Variants in DACH2 observed in about 807,000 individuals in gnomAD.
The protein encoded by DACH2 is dachshund homolog 2.
DACH2 carries 17 observed loss-of-function variants against 35.8 expected under a neutral mutation model. The observed-to-expected ratio is 0.48, with a 90% CI of 0.33 to 0.71. The LOEUF is 0.71. Among genes scored for constraint, DACH2 ranks in the 30% least tolerant of loss-of-function variants. The pLI is 0.02. For synonymous variants in DACH2, 195 were observed against 177.3 expected, an observed-to-expected ratio of 1.10 and a Z score of -0.79; for missense variants, 469 against 472.7, an observed-to-expected ratio of 0.99 and a Z score of 0.07.
At chrX:86,656,857 G>GTGTATATATATATATATATA (rs1333268452) in intron 4 of DACH2, among the ~76,000 whole-genome samples, 5 of 66,743 alleles carry the variant, frequency 7.5e-5, no homozygotes, top group African/African-American at 3.6e-4. Context: ...GTGTGTGTGT[G>GTGTATATATATATATATATA]TATATATATA....
At chrX:86,602,631 T>C (rs1157039588) in intron 3 of DACH2, among the ~76,000 whole-genome samples, 2 of 112,171 alleles carry the variant, frequency 1.8e-5, no homozygotes, top group East Asian at 5.6e-4. Flanking sequence ...ATATGTGCTT[T>C]TGTGCGTTCC....
intron 3 of DACH2, among the ~76,000 whole-genome samples, chrX:86,646,693 T>C (rs1341159521): frequency 9.1e-6 from 1 of 109,959 alleles, no homozygotes; most frequent in Admixed American, 9.8e-5. Context: ...ATCATATATA[T>C]AACAAAGGGT....
intron 10 of DACH2, among the ~76,000 whole-genome samples, chrX:86,815,175 G>A (rs1349808384): frequency 9.0e-6 from 1 of 111,643 alleles, no homozygotes; most frequent in African/African-American, 3.3e-5. Context: ...ATATGCTGAT[G>A]TTTGGTGAAC....
intron 3 of DACH2, among the ~76,000 whole-genome samples, chrX:86,603,575 C>A (rs893439800): frequency 9.0e-6 from 1 of 111,120 alleles, no homozygotes; most frequent in Non-Finnish European, 1.9e-5. Flanking sequence ...TAGCTATGAA[C>A]CCAGACAACA....
Position 86,228,196 on chromosome X carries a change from T to C in DACH2, c.488+79088T>C, listed in dbSNP as rs185254574. Reference sequence around the variant, plus strand: ...GTGTCCTCATAGCTTAGCTCCCATATATCAGTGAGAACATACGATGTTTGG... The same window carrying C: ...GTGTCCTCATAGCTTAGCTCCCATACATCAGTGAGAACATACGATGTTTGG... On this transcript the variant is annotated intron_variant, in intron 1 of 11. Coordinates refer to ENST00000373125, the MANE Select transcript of DACH2 (RefSeq NM_053281.3). Among the ~76,000 whole-genome samples, 573 of 110,449 alleles carry C rather than the reference T, an allele frequency of 5.2e-3. 2 individuals carry two copies. Among genetic ancestry groups the C allele is most frequent in the Admixed American group, 0.011 (112 of 10,275 alleles).
At chrX:86,714,216 GA>G (rs1027365946) in intron 5 of DACH2, among the ~76,000 whole-genome samples, 1 of 111,694 alleles carries the variant, frequency 9.0e-6, no homozygotes, top group Non-Finnish European at 1.9e-5. Flanking sequence ...TGGTTATAAT[GA>G]TTAAGAAGAA....
chrX:86,579,067 A>G lies in DACH2; in HGVS notation c.640+64676A>G, dbSNP rs1482868320. ...ATATATTATTTGGTGCAGTATGAGT[A>G]TGTGTTCAAGTTTATTGTTCACTTT... On this transcript the variant is annotated intron_variant, in intron 3 of 11. Coordinates refer to ENST00000373125, the MANE Select transcript of DACH2 (RefSeq NM_053281.3). 2.7e-5 allele frequency among the ~76,000 whole-genome samples: 3 copies of G among 109,692 alleles called. 1 individual carries two copies. Among genetic ancestry groups the G allele is most frequent in the South Asian group, 7.6e-4 (2 of 2,637 alleles).
intron 2 of DACH2, among the ~76,000 whole-genome samples, chrX:86,462,452 A>C (rs2037591774): frequency 9.0e-6 from 1 of 111,314 alleles, no homozygotes; most frequent in Non-Finnish European, 1.9e-5. Context: ...TTCCCTATTG[A>C]AATGAGGAAA....
intron 7 of DACH2, among the ~76,000 whole-genome samples, chrX:86,797,152 G>A (rs1279586561): frequency 1.8e-5 from 2 of 110,994 alleles, no homozygotes; most frequent in African/African-American, 6.5e-5. Context: ...CAACTACTGT[G>A]TGTGTAAGGA....
intron 2 of DACH2, among the ~76,000 whole-genome samples, chrX:86,455,509 C>T (rs1254769294): frequency 1.8e-5 from 2 of 112,022 alleles, no homozygotes; most frequent in Non-Finnish European, 3.8e-5. Flanking sequence ...CAGAGGGTCC[C>T]AGACCAGTGA....
At chrX:86,591,663 G>T (rs1312063944) in intron 3 of DACH2, among the ~76,000 whole-genome samples, 1 of 107,142 alleles carries the variant, frequency 9.3e-6, no homozygotes, top group Non-Finnish European at 1.9e-5. Context: ...TCAGCCTCCC[G>T]AGTAGCTGGG....
At chrX:86,379,336 C>T (rs780754556) in intron 2 of DACH2, among the ~76,000 whole-genome samples, 2 of 111,039 alleles carry the variant, frequency 1.8e-5, no homozygotes, top group South Asian at 3.7e-4. Flanking sequence ...AACTGTTTGA[C>T]TGATCTGAGA....
intron 3 of DACH2, among the ~76,000 whole-genome samples, chrX:86,638,376 C>G (rs2040304339): frequency 8.9e-6 from 1 of 111,917 alleles, no homozygotes. Context: ...ACTAAGTCCT[C>G]AAAAGCACAA....
chrX:86,562,847 C>T (rs751750700), intron 3 of DACH2, among the ~76,000 whole-genome samples: 3 of 111,437 alleles, frequency 2.7e-5, no homozygotes, highest in Non-Finnish European at 5.7e-5. Context: ...GCATCATGAA[C>T]GCATGTTTCT....
chrX:86,155,565 T>G (rs1290067072), intron 1 of DACH2, among the ~76,000 whole-genome samples: 4 of 109,280 alleles, frequency 3.7e-5, no homozygotes, highest in African/African-American at 1.0e-4. Flanking sequence ...TTTCCTTGAT[T>G]CTGAGAGAGA....
At chrX:86,560,496 A>T (rs1210645739) in intron 3 of DACH2, among the ~76,000 whole-genome samples, 1 of 107,496 alleles carries the variant, frequency 9.3e-6, no homozygotes, top group Admixed American at 1.0e-4. Context: ...CTGCCTTGCT[A>T]GATTGGGGAA....
At chrX:86,554,439 TAGAA>T (rs1390022672) in intron 3 of DACH2, among the ~76,000 whole-genome samples, 4 of 111,814 alleles carry the variant, frequency 3.6e-5, no homozygotes, top group Non-Finnish European at 3.8e-5. Flanking sequence ...ATATATCAGA[TAGAA>T]AGTTCTACAG....
At position 86,554,025 on chromosome X, in the gene DACH2, G is replaced by A. The variant is rs1168745535; in HGVS notation, c.640+39634G>A. Among the ~76,000 whole-genome samples the A allele has an allele frequency of 2.7e-5, 3 of 111,059 alleles. No individual in the cohort carries two copies. In the East Asian group the frequency reaches 8.5e-4, roughly 32 times the overall value. On this transcript the variant is annotated intron_variant, in intron 3 of 11. Transcript: ENST00000373125. Reference sequence around the variant, plus strand: ...TTCTTGTGTGTGTGTGCGTGTTTGTGTGTATGCTTGCATGTGTGTGTGTGT... The same window carrying A: ...TTCTTGTGTGTGTGTGCGTGTTTGTATGTATGCTTGCATGTGTGTGTGTGT...
At chrX:86,694,119 C>T (rs1407550088) in intron 4 of DACH2, among the ~76,000 whole-genome samples, 2 of 111,846 alleles carry the variant, frequency 1.8e-5, no homozygotes, top group African/African-American at 6.5e-5. Flanking sequence ...GCTAATGTTG[C>T]AGTCCCAGCA....
Sources: gnomAD v4.1 joint callset for allele counts (sites outside exome capture counted in the v4.1 genomes callset) on GRCh38, gnomAD v4.1.1 for gene constraint, MANE v1.5 for transcripts, NCBI Gene and HGNC (gene_info 2026-07-23, HGNC 2026-07-21) for gene names.